Variants in SUGP1 observed in about 807,000 individuals in gnomAD.
SUGP1 encodes SURP and G-patch domain-containing protein 1.
A neutral mutation model predicts 76.5 loss-of-function variants in SUGP1; 34 were observed. The observed-to-expected ratio is 0.44, with a 90% CI of 0.34 to 0.59. SUGP1 has a LOEUF of 0.59. Ranked by LOEUF, SUGP1 falls within the 20% of genes least tolerant of loss-of-function variation. The pLI, the probability that SUGP1 is intolerant of heterozygous loss-of-function variation, is 0.01. For synonymous variants in SUGP1, 326 were observed against 326.2 expected (o/e 1.00, Z 0.01); for missense variants, 752 against 851.7 (o/e 0.88, Z 1.46).
intron 8 of SUGP1, among the ~76,000 whole-genome samples, chr19:19,295,484 G>C (rs1453875793): frequency 6.6e-6 from 1 of 151,428 alleles, no homozygotes; most frequent in African/African-American, 2.4e-5. Context: ...CACGCCTGTA[G>C]TCCCAGCTAC....
rs183643293 is a variant in SUGP1 at position 19,317,337 on chromosome 19, A to G, written c.35-744T>C. On this transcript the variant is annotated intron_variant, in intron 1 of 13. Coordinates refer to ENST00000247001, the MANE Select transcript of SUGP1 (RefSeq NM_172231.4). The stretch of plus-strand genomic sequence containing the variant: ...AAATGGGAGATGATCTGGGCAGAAG[A>G]AGGAGCAGATGTGAAAGCTCAAGGC... 1.1e-4 allele frequency among the ~76,000 whole-genome samples: 16 copies of G among 152,324 alleles called. No individual in the cohort carries two copies. The East Asian group carries it at 2.7e-3, about 26-fold the overall frequency.
intron 8 of SUGP1, among the ~76,000 whole-genome samples, chr19:19,287,276 A>G (rs1304802762): frequency 6.6e-6 from 1 of 152,064 alleles, no homozygotes; most frequent in Non-Finnish European, 1.5e-5. Flanking sequence ...GTCTCAAAAC[A>G]TAGGTGAGGC....
chr19:19,282,982 T>C (rs938430062), intron 8 of SUGP1, among the ~76,000 whole-genome samples: 4 of 150,746 alleles, frequency 2.7e-5, no homozygotes, highest in East Asian at 2.0e-4. Context: ...GAGGCTGAAG[T>C]AGGAGAATGG....
At chr19:19,309,697 T>G (rs534125924) in intron 3 of SUGP1, among the ~76,000 whole-genome samples, 2 of 152,118 alleles carry the variant, frequency 1.3e-5, no homozygotes, top group African/African-American at 4.8e-5. Flanking sequence ...GATCACAAGG[T>G]CAGGAGATCG....
chr19:19,302,429 C>G (rs1222168289), intron 6 of SUGP1, 41 bp from the exon 7 acceptor site: 1 of 1,598,312 alleles, frequency 6.3e-7, no homozygotes, highest in African/African-American at 1.3e-5. Context: ...CTCACCACAC[C>G]CAACAGCCTA....
At chr19:19,279,906 A>G (rs2061084495) in intron 9 of SUGP1, among the ~76,000 whole-genome samples, 1 of 152,190 alleles carries the variant, frequency 6.6e-6, no homozygotes, top group Non-Finnish European at 1.5e-5. Flanking sequence ...AAGCAGCCAC[A>G]AAGCTCAGGC....
chr19:19,277,679 G>A, intron 12 of SUGP1, 55 bp downstream of exon 12: 1 of 1,594,854 alleles, frequency 6.3e-7, no homozygotes, highest in Non-Finnish European at 8.6e-7. Context: ...GGAGGCGGCA[G>A]GGGACCCACA....
intron 2 of SUGP1, among the ~76,000 whole-genome samples, chr19:19,316,075 CCT>C (rs1488727805): frequency 2.0e-5 from 3 of 152,266 alleles, no homozygotes; most frequent in East Asian, 1.9e-4. Flanking sequence ...CTCTAGTGAT[CCT>C]CTGTCTCAGC....
intron 8 of SUGP1, among the ~76,000 whole-genome samples, chr19:19,292,336 G>A (rs1201450331): frequency 1.3e-5 from 2 of 150,802 alleles, no homozygotes; most frequent in East Asian, 3.9e-4. Context: ...ACACAAAAGA[G>A]AGAACATTTC....
intron 3 of SUGP1, among the ~76,000 whole-genome samples, chr19:19,308,608 T>C (rs1215877808): frequency 1.3e-5 from 2 of 152,246 alleles, no homozygotes; most frequent in Non-Finnish European, 2.9e-5. Flanking sequence ...CCCCAGAACC[T>C]ATTGTTCTCT....
chr19:19,320,422 G>A (rs751898791), intron 1 of SUGP1, 41 bp downstream of exon 1: 6 of 1,604,656 alleles, frequency 3.7e-6, no homozygotes, highest in South Asian at 1.1e-5. Context: ...CCTAGCCCCA[G>A]GGACCCAGGC....
chr19:19,294,973 T>A (rs1423414227), intron 8 of SUGP1, among the ~76,000 whole-genome samples: 1 of 152,034 alleles, frequency 6.6e-6, no homozygotes, highest in East Asian at 1.9e-4. Context: ...AAAAGAGAAC[T>A]CGTACAACTC....
At chr19:19,292,222 G>A (rs1461674688) in intron 8 of SUGP1, among the ~76,000 whole-genome samples, 7 of 146,936 alleles carry the variant, frequency 4.8e-5, no homozygotes, top group Non-Finnish European at 1.0e-4. Context: ...GCAGGGAGCC[G>A]AGATTGCACG....
At chr19:19,294,881 A>G (rs956846016) in intron 8 of SUGP1, among the ~76,000 whole-genome samples, 1 of 152,222 alleles carries the variant, frequency 6.6e-6, no homozygotes, top group Admixed American at 6.5e-5. Flanking sequence ...CGCTATTACT[A>G]AAGTGAAAAG....
chr19:19,305,648 C>T, intron 4 of SUGP1: 3 of 527,176 alleles, frequency 5.7e-6, no homozygotes, highest in African/African-American at 3.9e-5. Flanking sequence ...CGCGCTGATG[C>T]CCAGCAACAC....
At chr19:19,320,340 T>C (rs750081457) in intron 1 of SUGP1, 123 bp downstream of exon 1, 12 of 1,066,008 alleles carry the variant, frequency 1.1e-5, no homozygotes, top group Non-Finnish European at 1.6e-5. Context: ...GCCGACGCTG[T>C]GGGCTGCCCC....
intron 11 of SUGP1, 142 bp downstream of exon 11, chr19:19,278,548 A>G: frequency 1.5e-6 from 1 of 671,434 alleles, no homozygotes; most frequent in Middle Eastern, 3.2e-4. Context: ...TGTCATTAAC[A>G]GATGCCTCCT....
At chr19:19,303,981 C>CGAGTCCA in intron 4 of SUGP1, 134 bp from the exon 5 acceptor site, 1 of 1,595,362 alleles carries the variant, frequency 6.3e-7, no homozygotes, top group Non-Finnish European at 8.5e-7. Flanking sequence ...TCGGGCGTCC[C>CGAGTCCA]GAGTCCAGGC....
intron 1 of SUGP1, 101 bp from the exon 2 acceptor site, chr19:19,316,694 T>C (rs1568638397): frequency 3.1e-6 from 4 of 1,279,126 alleles, no homozygotes; most frequent in Admixed American, 2.2e-5. Flanking sequence ...GATTAATTTA[T>C]ATGTCTATTA....
Sources: gnomAD v4.1 joint callset for allele counts (sites outside exome capture counted in the v4.1 genomes callset) on GRCh38, gnomAD v4.1.1 for gene constraint, MANE v1.5 for transcripts, NCBI Gene and HGNC (gene_info 2026-07-23, HGNC 2026-07-21) for gene names.